The following RAPGEF6 variants were observed in gnomAD, a reference collection of about 807,000 sequenced individuals.
RAPGEF6 encodes PDZ domain containing guanine nucleotide exchange factor (GEF) 2.
In RAPGEF6, 56 loss-of-function variants were observed where a neutral mutation model predicts 171.4. The ratio of observed to expected loss-of-function variants is 0.33; its 90% confidence interval spans 0.26 to 0.41. RAPGEF6 has a LOEUF of 0.41. Among genes scored for constraint, RAPGEF6 ranks in the 10% least tolerant of loss-of-function variants. The probability of loss-of-function intolerance (pLI) is 1.00; values close to 1 mark genes in which losing one functional copy is unlikely to be tolerated. For missense variants in RAPGEF6, 1,674 were observed against 1,921.4 expected (o/e 0.87, Z 2.41); for synonymous variants, 692 against 650.1 (o/e 1.06, Z -0.98).
intron 6 of RAPGEF6, among the ~76,000 whole-genome samples, chr5:131,527,388 T>C (rs1380340469): frequency 2.0e-5 from 3 of 152,122 alleles, no homozygotes; most frequent in East Asian, 3.9e-4. Flanking sequence ...CCCCATCAAA[T>C]TGGCAAAAAA....
intron 18 of RAPGEF6, chr5:131,463,687 A>G (rs1040877610): frequency 4.4e-6 from 4 of 903,664 alleles, no homozygotes; most frequent in Non-Finnish European, 5.3e-6. Flanking sequence ...TTTCCTGCAT[A>G]TTCATTAAAG....
chr5:131,600,420 G>A (rs924677356), intron 3 of RAPGEF6, among the ~76,000 whole-genome samples: 3 of 152,082 alleles, frequency 2.0e-5, no homozygotes, highest in African/African-American at 7.2e-5. Flanking sequence ...TACTTCGGAG[G>A]CTGAGGCAGG....
intron 6 of RAPGEF6, among the ~76,000 whole-genome samples, chr5:131,526,954 A>T (rs1758908380): frequency 6.6e-6 from 1 of 152,184 alleles, no homozygotes; most frequent in Admixed American, 6.5e-5. Context: ...GGGGGTGGGG[A>T]AAGAGAGGTA....
intron 16 of RAPGEF6, among the ~76,000 whole-genome samples, chr5:131,473,752 G>T (rs1280106655): frequency 6.6e-6 from 1 of 152,080 alleles, no homozygotes; most frequent in East Asian, 1.9e-4. Flanking sequence ...TGAATAATAT[G>T]AAATACATTT....
In RAPGEF6 at chr5:131,505,429, T is replaced by C; in HGVS notation, c.1036A>G (p.Ile346Val). Residue 346 changes from isoleucine (I) to valine (V), a missense_variant, in exon 10 of 28, where the codon ATT (isoleucine) becomes GTT (valine). Transcript: ENST00000509018. ...ENLFMGNSFGITPTLDKQYMH... is the reference protein window; with the variant it reads ...ENLFMGNSFGVTPTLDKQYMH... ...TACTGCTTATCCAGAGTGGGAGTAA[T>C]TCCAAAACTATTTCCCATAAACAAA... is the stretch of plus-strand genomic sequence containing the variant. 3.1e-6 allele frequency: 5 copies of C among 1,613,550 alleles called. No individual in the cohort carries two copies. Among genetic ancestry groups the C allele is most frequent in the Non-Finnish European group, 4.2e-6 (5 of 1,179,638 alleles).
rs1243749072 is a variant in RAPGEF6 at position 131,561,175 on chromosome 5, A to G, written c.351+803T>C. Among the ~76,000 whole-genome samples the G allele has an allele frequency of 2.6e-5, 4 of 152,218 alleles. No homozygotes were observed. The East Asian group carries it at 7.7e-4, about 29-fold the overall frequency. On this transcript the variant is annotated intron_variant, in intron 5 of 27. Transcript: ENST00000509018. Reference sequence around the variant, plus strand: ...TAGCTCTTTTAAGAAAAAATAAAGAATTATTCCTTAAATACACTCTTAAAT... The same window carrying G: ...TAGCTCTTTTAAGAAAAAATAAAGAGTTATTCCTTAAATACACTCTTAAAT...
At chr5:131,463,676 T>A (rs1754111943) in intron 18 of RAPGEF6, 1 of 876,488 alleles carries the variant, frequency 1.1e-6, no homozygotes. Context: ...ATTTTTAAAA[T>A]TTTCCTGCAT....
chr5:131,442,512 T>A lies in RAPGEF6; in HGVS notation c.3447A>T (p.Arg1149Ser), dbSNP rs1405486867. ...GAGACATTTCAGATGATTTGGCTGA[T>A]CTTTTCTCACTTAAATTCTTGGTCA... ...GTLTKNLSEK[R>S]SAKSSEMSPV... The change falls in exon 23 of 28, where the codon AGA becomes AGT. Residue 1149 changes from arginine to serine, a missense_variant. This residue lies in a region of RAPGEF6 where 552 missense variants were observed against 574.2 expected (regional missense o/e 0.96). Transcript: ENST00000509018. The A allele has an allele frequency of 8.1e-6, 13 of 1,614,014 alleles. No individual in the cohort carries two copies. The highest frequency in any genetic ancestry group is 1.1e-5 in the Non-Finnish European group (13 of 1,179,946).
At position 131,520,205 on chromosome 5, in the gene RAPGEF6, G is replaced by A. The variant is rs144596676; in HGVS notation, c.627+1185C>T. ...TAACTTTGTAGAACCAGTCTAAAAT[G>A]CTTTCCTCAGACAATGATACTATTT... On this transcript the variant is annotated intron_variant, in intron 7 of 27. Coordinates refer to ENST00000509018, the MANE Select transcript of RAPGEF6 (RefSeq NM_016340.6). Among the ~76,000 whole-genome samples, 486 of 152,264 alleles carry A rather than the reference G, an allele frequency of 3.2e-3. 3 individuals are homozygous for A. Among genetic ancestry groups the A allele is most frequent in the African/African-American group, 0.011 (462 of 41,538 alleles).
intron 1 of RAPGEF6, among the ~76,000 whole-genome samples, chr5:131,614,600 C>T (rs991462238): frequency 6.6e-6 from 1 of 152,202 alleles, no homozygotes; most frequent in African/African-American, 2.4e-5. Flanking sequence ...CCAATCACCT[C>T]CCACAGGTCC....
intron 20 of RAPGEF6, among the ~76,000 whole-genome samples, chr5:131,454,360 CT>C (rs752264093): frequency 1.4e-4 from 21 of 152,260 alleles, no homozygotes; most frequent in Admixed American, 3.3e-4. Context: ...GAGATTATTT[CT>C]GTAATCTCAC....
At chr5:131,504,487 G>C in intron 11 of RAPGEF6, 139 bp downstream of exon 11, 4 of 919,234 alleles carry the variant, frequency 4.4e-6, no homozygotes, top group Non-Finnish European at 6.2e-6. Flanking sequence ...TTTAGAGAAA[G>C]ACAAAGAGTC....
At chr5:131,504,021 C>T (rs1276388928) in intron 11 of RAPGEF6, among the ~76,000 whole-genome samples, 1 of 152,034 alleles carries the variant, frequency 6.6e-6, no homozygotes. Context: ...CTAAATATTG[C>T]AGTCTTTGAT....
chr5:131,493,128 G>A (rs748091344), intron 13 of RAPGEF6, among the ~76,000 whole-genome samples: 4 of 152,042 alleles, frequency 2.6e-5, no homozygotes, highest in Admixed American at 1.3e-4. Flanking sequence ...ACAGTGGCGC[G>A]ATCTCGACTC....
intron 1 of RAPGEF6, among the ~76,000 whole-genome samples, chr5:131,632,405 T>C (rs1766371046): frequency 6.6e-6 from 1 of 152,212 alleles, no homozygotes; most frequent in South Asian, 2.1e-4. Context: ...AAAAATCATC[T>C]TCTCAACCAA....
rs187826866 is a variant in RAPGEF6, at chr5:131,594,738, T to C, written c.198-2272A>G. ...GCCCACCACTTGCCTCAGGGTGCCC[T>C]GGATGTGAGACATGGAGTCAACGGA... On this transcript the variant is annotated intron_variant, in intron 3 of 27. Coordinates refer to ENST00000509018, the MANE Select transcript of RAPGEF6 (RefSeq NM_016340.6). Among the ~76,000 whole-genome samples, 474 of 152,308 alleles carry C rather than the reference T, an allele frequency of 3.1e-3. 2 individuals are homozygous for C. The highest frequency in any genetic ancestry group is 5.3e-3 in the Non-Finnish European group (362 of 68,024).
At chr5:131,489,451 T>G (rs548842776) in intron 15 of RAPGEF6, 95 bp downstream of exon 15, 2 of 710,672 alleles carry the variant, frequency 2.8e-6, no homozygotes, top group East Asian at 5.9e-5. Flanking sequence ...GACAAAAACA[T>G]GTTTATATTT....
chr5:131,495,704 T>C, intron 12 of RAPGEF6, 44 bp from the exon 13 acceptor site: 4 of 1,581,154 alleles, frequency 2.5e-6, no homozygotes, highest in Non-Finnish European at 3.4e-6. Flanking sequence ...TAAGAGGCAT[T>C]CCTTCTGCAC....
intron 6 of RAPGEF6, among the ~76,000 whole-genome samples, chr5:131,529,591 T>A (rs1759227738): frequency 2.0e-5 from 3 of 150,664 alleles, no homozygotes; most frequent in Non-Finnish European, 4.4e-5. Flanking sequence ...GGGCAAAACT[T>A]CATGGCATCA....
Sources: gnomAD v4.1 joint callset for allele counts (sites outside exome capture counted in the v4.1 genomes callset) on GRCh38, gnomAD v4.1.1 for gene constraint, gnomAD v4.1.1 regional missense constraint, MANE v1.5 for transcripts, NCBI Gene and HGNC (gene_info 2026-07-23, HGNC 2026-07-21) for gene names.